Variants in DNAJC11 observed in about 807,000 individuals in gnomAD.
DNAJC11 encodes dnaJ homolog subfamily C member 11.
Under a neutral mutation model 78.6 loss-of-function variants are expected in DNAJC11, and 15 were observed. The ratio of observed to expected loss-of-function variants is 0.19; its 90% CI spans 0.13 to 0.29. The LOEUF (loss-of-function observed/expected upper bound fraction) is 0.29. DNAJC11 is among the 10% of genes least tolerant of loss of function. The probability of loss-of-function intolerance (pLI) is 1.00; values close to 1 mark genes in which losing one functional copy is unlikely to be tolerated. For synonymous variants in DNAJC11, 292 were observed against 272.1 expected (o/e 1.07, Z -0.72); for missense variants, 547 against 709.6 (o/e 0.77, Z 2.60).
At chr1:6,643,021 G>A (rs1016695338) in intron 10 of DNAJC11, among the ~76,000 whole-genome samples, 1 of 152,192 alleles carries the variant, frequency 6.6e-6, no homozygotes, top group East Asian at 1.9e-4. Flanking sequence ...CATCTGGTAC[G>A]GAAAGCCAGA....
At chr1:6,687,974 CAAAA>C (rs1338105570) in intron 1 of DNAJC11, among the ~76,000 whole-genome samples, 1 of 152,008 alleles carries the variant, frequency 6.6e-6, no homozygotes, top group African/African-American at 2.4e-5. Context: ...CAAAACAAAA[CAAAA>C]AAATAACCAA....
intron 4 of DNAJC11, among the ~76,000 whole-genome samples, chr1:6,666,909 T>C (rs1287136401): frequency 6.6e-6 from 1 of 152,146 alleles, no homozygotes; most frequent in African/African-American, 2.4e-5. Context: ...GGTCTGGCCA[T>C]TGAGCCCTCT....
At chr1:6,657,181 C>T (rs1235423189) in intron 4 of DNAJC11, among the ~76,000 whole-genome samples, 1 of 152,070 alleles carries the variant, frequency 6.6e-6, no homozygotes, top group East Asian at 1.9e-4. Context: ...TGTGATGGTG[C>T]TGACTTCAAG....
At chr1:6,701,379 G>C (rs1426137085) in intron 1 of DNAJC11, among the ~76,000 whole-genome samples, 1 of 152,180 alleles carries the variant, frequency 6.6e-6, no homozygotes, top group Non-Finnish European at 1.5e-5. Context: ...TATGTGGGCT[G>C]AGCGCGAGAC....
chr1:6,693,834 A>ATTTTT (rs34877805), intron 1 of DNAJC11, among the ~76,000 whole-genome samples: 2 of 101,220 alleles, frequency 2.0e-5, no homozygotes, highest in Admixed American at 1.1e-4. Flanking sequence ...AAGTACCCCC[A>ATTTTT]TTTTTTTTTT....
At chr1:6,651,409 C>G in intron 7 of DNAJC11, 120 bp downstream of exon 7, 1 of 847,846 alleles carries the variant, frequency 1.2e-6, no homozygotes, top group Non-Finnish European at 1.9e-6. Context: ...CCTTGATGTA[C>G]GCAGTGACCT....
chr1:6,682,706 T>C (rs1004273708), intron 1 of DNAJC11, among the ~76,000 whole-genome samples: 14 of 152,204 alleles, frequency 9.2e-5, no homozygotes, highest in African/African-American at 2.4e-4. Flanking sequence ...GGTGGGCAGA[T>C]TGCTTGAGCC....
intron 1 of DNAJC11, among the ~76,000 whole-genome samples, chr1:6,682,792 G>C (rs1290204434): frequency 6.6e-6 from 1 of 152,156 alleles, no homozygotes; most frequent in Non-Finnish European, 1.5e-5. Flanking sequence ...CCTGGGCGTG[G>C]AGGCGCTTGC....
chr1:6,700,454 G>T (rs1471467335), intron 1 of DNAJC11, among the ~76,000 whole-genome samples: 4 of 152,208 alleles, frequency 2.6e-5, no homozygotes, highest in Admixed American at 6.5e-5. Flanking sequence ...GTAGTCCAAG[G>T]ACTGGTAAGG....
intron 1 of DNAJC11, among the ~76,000 whole-genome samples, 175 bp downstream of exon 1, chr1:6,701,554 C>T (rs1270367641): frequency 1.3e-5 from 2 of 151,994 alleles, no homozygotes; most frequent in East Asian, 2.0e-4. Context: ...GCGGGAGGGT[C>T]TGGGCGGTGG....
At chr1:6,640,716 C>T (rs1248284051) in intron 10 of DNAJC11, among the ~76,000 whole-genome samples, 1 of 152,070 alleles carries the variant, frequency 6.6e-6, no homozygotes, top group African/African-American at 2.4e-5. Flanking sequence ...TCTGTAGTCC[C>T]AGCTACTCGG....
At chr1:6,685,107 T>C (rs1642631538) in intron 1 of DNAJC11, among the ~76,000 whole-genome samples, 1 of 152,146 alleles carries the variant, frequency 6.6e-6, no homozygotes, top group African/African-American at 2.4e-5. Context: ...ATCCTGACTC[T>C]ACAAAAAAAT....
chr1:6,700,087 C>T (rs535477383), intron 1 of DNAJC11, among the ~76,000 whole-genome samples: 1 of 152,294 alleles, frequency 6.6e-6, no homozygotes, highest in East Asian at 1.9e-4. Context: ...TTACTCCTGC[C>T]CCACCCTAAC....
intron 10 of DNAJC11, among the ~76,000 whole-genome samples, chr1:6,644,167 C>T (rs1641929849): frequency 6.6e-6 from 1 of 151,750 alleles, no homozygotes. Flanking sequence ...GTCTCACTGT[C>T]CTCCAGGCTG....
chr1:6,697,835 T>C (rs200437), intron 1 of DNAJC11, among the ~76,000 whole-genome samples: 135,234 of 151,592 alleles, frequency 0.89, 60,646 homozygotes, highest in Admixed American at 0.95. Context: ...GACAGAGTCT[T>C]GCTCTGTCAC....
chr1:6,668,949 G>C (rs1642333424), intron 3 of DNAJC11, among the ~76,000 whole-genome samples: 1 of 152,090 alleles, frequency 6.6e-6, no homozygotes, highest in Non-Finnish European at 1.5e-5. Flanking sequence ...CACTTTGGGA[G>C]GCAGAGGTGA....
At position 6,649,011 on chromosome 1, in the gene DNAJC11, C is replaced by T. The variant is rs1010528400; in HGVS notation, c.704+2518G>A. ...TCCATCTTTTAAAAAAAATTTTTCT[C>T]GGTGGCAGTCTTGCTCTGTCGCCTA... On this transcript the variant is annotated intron_variant, in intron 7 of 15. Transcript: ENST00000377577. Among the ~76,000 whole-genome samples the T allele has an allele frequency of 1.5e-4, 23 of 151,900 alleles. 1 individual carries two copies. Among genetic ancestry groups the T allele is most frequent in the Non-Finnish European group, 1.5e-5 (1 of 67,958 alleles).
chr1:6,701,101 T>A (rs1035651469), intron 1 of DNAJC11, among the ~76,000 whole-genome samples: 3 of 152,168 alleles, frequency 2.0e-5, no homozygotes, highest in Non-Finnish European at 4.4e-5. Flanking sequence ...TAGGGCTTCT[T>A]CCTAATCTGC....
chr1:6,645,705 A>G lies in DNAJC11; in HGVS notation c.894+84T>C, dbSNP rs1641954026. The G allele has an allele frequency of 2.7e-6, 4 of 1,490,986 alleles. No individual in the cohort carries two copies. Among genetic ancestry groups the G allele is most frequent in the Non-Finnish European group, 3.7e-6 (4 of 1,084,738 alleles). 92.4% of individuals were successfully genotyped at this position (1,490,986 alleles called of 1,614,324 possible). A position where few individuals can be genotyped will look rare whatever the true frequency, so the allele number is the denominator to read the frequency against. Reference sequence around the variant, plus strand: ...TTAGACTTAGTGGTGATCAGGACGCAGGATTTAAGGGGAGCACTGAGTGCT... The same window carrying G: ...TTAGACTTAGTGGTGATCAGGACGCGGGATTTAAGGGGAGCACTGAGTGCT... On this transcript the variant is annotated intron_variant, in intron 8 of 15. Coordinates refer to ENST00000377577, the MANE Select transcript of DNAJC11 (RefSeq NM_018198.4). This position sits in a 1 kb window ranked among gnomAD's most constrained non-coding sequence, Gnocchi z 4.1.
Sources: allele counts gnomAD v4.1 joint callset (sites outside exome capture counted in the v4.1 genomes callset), GRCh38; gene constraint gnomAD v4.1.1; non-coding constraint Gnocchi (gnomAD v3.1); transcripts MANE v1.5; gene names NCBI Gene and HGNC (gene_info 2026-07-23, HGNC 2026-07-21).